The following PPP3CA variants were observed in gnomAD, a reference collection of about 807,000 sequenced individuals.
PPP3CA encodes protein phosphatase 3 catalytic subunit alpha.
Under a neutral mutation model 66.5 loss-of-function variants are expected in PPP3CA, and 14 were observed. The ratio of observed to expected loss-of-function variants is 0.21; its 90% CI spans 0.14 to 0.33. PPP3CA has a LOEUF of 0.33. Among genes scored for constraint, PPP3CA ranks in the 10% least tolerant of loss-of-function variants. The pLI is 1.00. For missense variants in PPP3CA, 317 were observed against 639.5 expected (o/e 0.50, Z 5.44); for synonymous variants, 232 against 226.2 (o/e 1.03, Z -0.23).
chr4:101,105,751 C>T (rs1730637818), intron 3 of PPP3CA, among the ~76,000 whole-genome samples: 1 of 151,976 alleles, frequency 6.6e-6, no homozygotes, highest in African/African-American at 2.4e-5. Context: ...AGTGTTGTGA[C>T]CTTTGATTAC....
At chr4:101,226,001 C>T (rs1410888055) in intron 1 of PPP3CA, among the ~76,000 whole-genome samples, 1 of 151,664 alleles carries the variant, frequency 6.6e-6, no homozygotes, top group Non-Finnish European at 1.5e-5. Context: ...TAAACTGTTA[C>T]ACAATATGGT....
intron 2 of PPP3CA, among the ~76,000 whole-genome samples, chr4:101,143,418 T>G (rs1349107208): frequency 2.0e-5 from 3 of 152,222 alleles, no homozygotes; most frequent in Non-Finnish European, 4.4e-5. Flanking sequence ...CTGTTGCTAC[T>G]GTCATATAGC....
chr4:101,235,531 GA>G (rs1726100531), intron 1 of PPP3CA, among the ~76,000 whole-genome samples: 1 of 151,650 alleles, frequency 6.6e-6, no homozygotes, highest in African/African-American at 2.4e-5. Context: ...AATGAAAAGT[GA>G]TTTCTAATTA....
chr4:101,200,468 C>T (rs1724933440), intron 1 of PPP3CA, among the ~76,000 whole-genome samples: 1 of 152,026 alleles, frequency 6.6e-6, no homozygotes, highest in Non-Finnish European at 1.5e-5. Flanking sequence ...TAAAAATATG[C>T]CAATGCATAT....
intron 2 of PPP3CA, among the ~76,000 whole-genome samples, chr4:101,113,049 A>C (rs1372650001): frequency 1.3e-5 from 2 of 152,260 alleles, no homozygotes; most frequent in Admixed American, 1.3e-4. Flanking sequence ...AAGTTTGTGG[A>C]GTTTGCTTTG....
intron 1 of PPP3CA, among the ~76,000 whole-genome samples, chr4:101,292,368 A>C (rs1257971902): frequency 6.6e-6 from 1 of 152,120 alleles, no homozygotes; most frequent in Non-Finnish European, 1.5e-5. Context: ...TGAAACTATC[A>C]ATTTTCTCTT....
At chr4:101,298,900 T>C (rs1279094347) in intron 1 of PPP3CA, among the ~76,000 whole-genome samples, 3 of 150,732 alleles carry the variant, frequency 2.0e-5, no homozygotes, top group South Asian at 2.1e-4. Flanking sequence ...CACTCATGCA[T>C]TGCTTTATGA....
At chr4:101,217,102 A>C (rs1330174379) in intron 1 of PPP3CA, among the ~76,000 whole-genome samples, 2 of 152,148 alleles carry the variant, frequency 1.3e-5, no homozygotes, top group African/African-American at 4.8e-5. Flanking sequence ...AAATTTGTTG[A>C]AGAAATGAGC....
chr4:101,184,477 A>G (rs1348064044), intron 2 of PPP3CA, among the ~76,000 whole-genome samples: 4 of 152,326 alleles, frequency 2.6e-5, no homozygotes, highest in African/African-American at 9.6e-5. Flanking sequence ...AGTATAAAAT[A>G]AACATCAGAA....
chr4:101,293,092 G>A (rs1007727301), intron 1 of PPP3CA, among the ~76,000 whole-genome samples: 5 of 152,124 alleles, frequency 3.3e-5, no homozygotes, highest in Admixed American at 2.0e-4. Flanking sequence ...GTGAAGTAAG[G>A]TCTGGGAAGC....
intron 2 of PPP3CA, among the ~76,000 whole-genome samples, chr4:101,127,366 A>G (rs1157111114): frequency 2.0e-5 from 3 of 152,098 alleles, no homozygotes; most frequent in Admixed American, 1.3e-4. Flanking sequence ...TTGCAGATGT[A>G]ATCAGGTCAC....
intron 2 of PPP3CA, among the ~76,000 whole-genome samples, chr4:101,158,703 ATTG>A (rs1346860916): frequency 6.6e-6 from 1 of 152,186 alleles, no homozygotes. Context: ...GAGTCAGTCA[ATTG>A]TTGTTTGGTA....
chr4:101,030,793 T>C (rs1726913633), intron 12 of PPP3CA, among the ~76,000 whole-genome samples: 2 of 152,116 alleles, frequency 1.3e-5, no homozygotes, highest in African/African-American at 2.4e-5. Flanking sequence ...ATTAAATGTG[T>C]TCTAAAGCCC....
At chr4:101,122,379 G>A (rs918589327) in intron 2 of PPP3CA, among the ~76,000 whole-genome samples, 1 of 152,092 alleles carries the variant, frequency 6.6e-6, no homozygotes, top group African/African-American at 2.4e-5. Flanking sequence ...CCATGTAAGA[G>A]CTCTTTGTAT....
intron 8 of PPP3CA, among the ~76,000 whole-genome samples, chr4:101,066,181 A>G (rs1013879926): frequency 9.9e-5 from 15 of 152,060 alleles, no homozygotes; most frequent in African/African-American, 3.6e-4. Context: ...ATCATAATAC[A>G]CTCATCCTAA....
intron 1 of PPP3CA, among the ~76,000 whole-genome samples, chr4:101,297,306 TATAAGA>T (rs1291416861): frequency 6.6e-6 from 1 of 152,210 alleles, no homozygotes; most frequent in Non-Finnish European, 1.5e-5. Flanking sequence ...ACGTAGTAAG[TATAAGA>T]ATAAGCTTCC....
intron 2 of PPP3CA, among the ~76,000 whole-genome samples, chr4:101,148,064 T>C (rs901226088): frequency 1.3e-5 from 2 of 152,118 alleles, no homozygotes; most frequent in Admixed American, 6.5e-5. Context: ...TCAACCAAAA[T>C]ATAAGATAAC....
intron 1 of PPP3CA, among the ~76,000 whole-genome samples, chr4:101,341,825 T>G (rs1185020235): frequency 6.6e-6 from 1 of 152,176 alleles, no homozygotes; most frequent in African/African-American, 2.4e-5. Context: ...TTTTAGTAAT[T>G]ATCAAAATTC....
chr4:101,052,129 T>A (rs1446965726), intron 10 of PPP3CA, among the ~76,000 whole-genome samples: 1 of 152,146 alleles, frequency 6.6e-6, no homozygotes, highest in Admixed American at 6.6e-5. Context: ...AGTAGTACAA[T>A]ATGAAGAAAA....
Sources: allele counts gnomAD v4.1 joint callset (sites outside exome capture counted in the v4.1 genomes callset), GRCh38; gene constraint gnomAD v4.1.1; transcripts MANE v1.5; gene names NCBI Gene and HGNC (gene_info 2026-07-23, HGNC 2026-07-21).